Variants in RB1 observed in about 807,000 individuals in gnomAD.
The protein encoded by RB1 is RB transcriptional corepressor 1, also known as retinoblastoma-associated protein.
A neutral mutation model predicts 135.4 loss-of-function variants in RB1; 18 were observed. The observed-to-expected ratio is 0.13, with a 90% CI of 0.09 to 0.20. The LOEUF is 0.20. Ranked by LOEUF, RB1 falls within the 10% of genes least tolerant of loss-of-function variation. The pLI, the probability that RB1 is intolerant of heterozygous loss-of-function variation, is 1.00. For synonymous variants in RB1, 365 were observed against 373.2 expected (o/e 0.98, Z 0.25); for missense variants, 868 against 1,110.0 (o/e 0.78, Z 3.10).
chr13:48,320,912 A>T (rs1952230350), intron 2 of RB1, among the ~76,000 whole-genome samples: 1 of 152,080 alleles, frequency 6.6e-6, no homozygotes, highest in Non-Finnish European at 1.5e-5. Flanking sequence ...TTTAAAAAGG[A>T]CGACGACTAT....
intron 2 of RB1, chr13:48,317,851 TC>T: frequency 2.6e-6 from 1 of 380,932 alleles, no homozygotes; most frequent in Non-Finnish European, 5.0e-6. Flanking sequence ...TGGGGCCCGC[TC>T]CTTCCTGCAC....
intron 2 of RB1, chr13:48,318,169 T>C: frequency 1.8e-6 from 1 of 541,664 alleles, no homozygotes; most frequent in Non-Finnish European, 3.3e-6. Flanking sequence ...TCTGCCATAC[T>C]GCCACAGACA....
intron 7 of RB1, 92 bp downstream of exon 7, chr13:48,360,219 A>G (rs977748676): frequency 2.7e-5 from 43 of 1,570,158 alleles, no homozygotes; most frequent in Middle Eastern, 3.6e-4. Flanking sequence ...TAAGGCTGAC[A>G]GGATGATAAA....
intron 2 of RB1, among the ~76,000 whole-genome samples, chr13:48,330,753 C>T (rs1031232577): frequency 5.9e-5 from 9 of 152,080 alleles, no homozygotes; most frequent in South Asian, 4.1e-4. Context: ...CCTTCTCAAA[C>T]GTTTTCAAAA....
chr13:48,317,319 C>A, intron 2 of RB1: 1 of 395,884 alleles, frequency 2.5e-6, no homozygotes, highest in Non-Finnish European at 4.5e-6. Flanking sequence ...GGCCCTCGGA[C>A]CCCTTGTCTT....
intron 2 of RB1, among the ~76,000 whole-genome samples, chr13:48,307,848 C>T (rs946862233): frequency 5.7e-4 from 84 of 148,432 alleles, no homozygotes; most frequent in African/African-American, 1.8e-3. Context: ...GGCAACAGAG[C>T]GAGAGTCTGT....
chr13:48,478,883 A>G (rs751667696), intron 26 of RB1, among the ~76,000 whole-genome samples: 17 of 152,306 alleles, frequency 1.1e-4, no homozygotes, highest in African/African-American at 3.1e-4. Flanking sequence ...AAGAAATTTA[A>G]TAAGTATCCC....
At chr13:48,450,333 A>G (rs916994785) in intron 17 of RB1, among the ~76,000 whole-genome samples, 7 of 152,018 alleles carry the variant, frequency 4.6e-5, no homozygotes, top group Admixed American at 6.6e-5. Context: ...TCTAGTTTCA[A>G]TTTTCTGCAT....
intron 17 of RB1, among the ~76,000 whole-genome samples, chr13:48,398,073 A>G (rs942091456): frequency 2.0e-5 from 3 of 152,224 alleles, no homozygotes; most frequent in Non-Finnish European, 4.4e-5. Flanking sequence ...GGGCCAGGAC[A>G]ATGAAGCAGT....
intron 17 of RB1, among the ~76,000 whole-genome samples, chr13:48,407,402 A>G (rs181381424): frequency 6.6e-6 from 1 of 152,298 alleles, no homozygotes. Flanking sequence ...TTTTAAGGTA[A>G]TAAAAAAGAG....
At chr13:48,424,895 A>C (rs1057490851) in intron 17 of RB1, among the ~76,000 whole-genome samples, 5 of 152,078 alleles carry the variant, frequency 3.3e-5, no homozygotes, top group Non-Finnish European at 5.9e-5. Context: ...TCTACTAAAA[A>C]TACAAAATGT....
intron 6 of RB1, among the ~76,000 whole-genome samples, chr13:48,355,386 T>TA (rs1473535667): frequency 6.6e-6 from 1 of 152,008 alleles, no homozygotes; most frequent in African/African-American, 2.4e-5. Context: ...TCACTGCAGT[T>TA]AAAATGGCTG....
At chr13:48,313,385 G>A (rs1273011565) in intron 2 of RB1, among the ~76,000 whole-genome samples, 1 of 150,914 alleles carries the variant, frequency 6.6e-6, no homozygotes, top group African/African-American at 2.4e-5. Context: ...TTTTTTGGTG[G>A]TGGTTTTTTT....
At chr13:48,304,873 T>A (rs199808846) in intron 1 of RB1, among the ~76,000 whole-genome samples, 3,600 of 152,236 alleles carry the variant, frequency 0.024, 150 homozygotes, top group East Asian at 0.14. Context: ...GATCTTGGTG[T>A]CCCCTCTTTT....
chr13:48,374,495 A>G lies in RB1; in HGVS notation c.1215+1003A>G, dbSNP rs182887376. On this transcript the variant is annotated intron_variant, in intron 12 of 26. Coordinates refer to ENST00000267163, the MANE Select transcript of RB1 (RefSeq NM_000321.3). ...TCATAATCTGTTGTCATCTCTTGCT[A>G]TGTTCCCCCAGGAATTAGCAAAGTA... Among the ~76,000 whole-genome samples, 678 of 152,308 alleles carry G rather than the reference A, an allele frequency of 4.5e-3. 3 individuals are homozygous for G. The highest frequency in any genetic ancestry group is 0.015 in the African/African-American group (641 of 41,568).
chr13:48,366,557 C>A (rs1952701081), intron 9 of RB1, among the ~76,000 whole-genome samples: 1 of 152,140 alleles, frequency 6.6e-6, no homozygotes, highest in Admixed American at 6.5e-5. Flanking sequence ...TTCTCTTGGG[C>A]ATTGGTTTTT....
chr13:48,334,055 G>A (rs1180836278), intron 2 of RB1, among the ~76,000 whole-genome samples: 2 of 152,136 alleles, frequency 1.3e-5, no homozygotes, highest in Non-Finnish European at 2.9e-5. Context: ...AAGGGAGGGA[G>A]TCCCAGGTGC....
At chr13:48,309,828 T>C (rs1952116331) in intron 2 of RB1, among the ~76,000 whole-genome samples, 1 of 152,206 alleles carries the variant, frequency 6.6e-6, no homozygotes, top group South Asian at 2.1e-4. Context: ...GTTTTAACAG[T>C]AGAGGCTCTT....
At chr13:48,465,448 T>A (rs2138346603) in intron 23 of RB1, 80 bp downstream of exon 23, 1 of 1,357,568 alleles carries the variant, frequency 7.4e-7, no homozygotes, top group Non-Finnish European at 1.0e-6. Flanking sequence ...TATAAAGCAT[T>A]CTTCATTTCA....
Sources: allele counts gnomAD v4.1 joint callset (sites outside exome capture counted in the v4.1 genomes callset), GRCh38; gene constraint gnomAD v4.1.1; transcripts MANE v1.5; gene names NCBI Gene and HGNC (gene_info 2026-07-23, HGNC 2026-07-21).